GRM7: variants seen among roughly 807,000 people sequenced by gnomAD.
GRM7 encodes the protein glutamate metabotropic receptor 7.
A neutral mutation model predicts 84.5 loss-of-function variants in GRM7; 35 were observed. The observed-to-expected ratio is 0.41, with a 90% CI of 0.32 to 0.55. The LOEUF (loss-of-function observed/expected upper bound fraction) is 0.55. GRM7 is among the 20% of genes least tolerant of loss of function. The pLI is 0.19. For synonymous variants in GRM7, 487 were observed against 455.1 expected (o/e 1.07, Z -0.89); for missense variants, 1,003 against 1,194.6 (o/e 0.84, Z 2.36).
At chr3:7,289,957 T>A (rs1405240684) in intron 2 of GRM7, among the ~76,000 whole-genome samples, 2 of 151,760 alleles carry the variant, frequency 1.3e-5, no homozygotes, top group Non-Finnish European at 2.9e-5. Flanking sequence ...TGTATACATA[T>A]GTACCAAACC....
intron 7 of GRM7, among the ~76,000 whole-genome samples, chr3:7,469,255 T>C (rs961791966): frequency 6.6e-6 from 1 of 152,218 alleles, no homozygotes; most frequent in Non-Finnish European, 1.5e-5. Context: ...AGGGATTCAT[T>C]TGAGAACTTG....
intron 1 of GRM7, among the ~76,000 whole-genome samples, chr3:7,031,615 C>A (rs569005176): frequency 1.9e-4 from 29 of 152,106 alleles, no homozygotes; most frequent in Admixed American, 1.7e-3. Context: ...ACAGGGATTT[C>A]ACCATGTTAG....
intron 7 of GRM7, among the ~76,000 whole-genome samples, chr3:7,480,991 T>C (rs2124936585): frequency 6.6e-6 from 1 of 151,884 alleles, no homozygotes; most frequent in Non-Finnish European, 1.5e-5. Context: ...TAGAGGAGAG[T>C]AATATGAAAG....
intron 2 of GRM7, among the ~76,000 whole-genome samples, chr3:7,162,949 A>G (rs1211018023): frequency 6.6e-6 from 1 of 151,284 alleles, no homozygotes; most frequent in Non-Finnish European, 1.5e-5. Context: ...TAGTAGAGAC[A>G]TGATTTCACC....
chr3:7,334,464 T>A (rs1193986057), intron 4 of GRM7, among the ~76,000 whole-genome samples: 3 of 139,390 alleles, frequency 2.2e-5, no homozygotes, highest in Non-Finnish European at 4.6e-5. Context: ...AAAGCATAAA[T>A]CTCACAGGGA....
intron 8 of GRM7, among the ~76,000 whole-genome samples, chr3:7,599,434 C>T (rs1192703778): frequency 6.6e-6 from 1 of 152,014 alleles, no homozygotes; most frequent in Non-Finnish European, 1.5e-5. Context: ...AAGCTTTAGT[C>T]CCTGTATCCC....
chr3:7,561,535 T>C (rs1423760735), intron 7 of GRM7: 1 of 456,478 alleles, frequency 2.2e-6, no homozygotes, highest in Non-Finnish European at 4.4e-6. Flanking sequence ...AATGTTGGCA[T>C]GGAAAGTCCT....
intron 7 of GRM7, among the ~76,000 whole-genome samples, chr3:7,513,181 A>T (rs1193138295): frequency 6.6e-6 from 1 of 152,292 alleles, no homozygotes; most frequent in Admixed American, 6.5e-5. Context: ...GTTTCCCTCT[A>T]GGACTATGCA....
chr3:7,507,070 C>G (rs906740784), intron 7 of GRM7, among the ~76,000 whole-genome samples: 7 of 152,172 alleles, frequency 4.6e-5, no homozygotes, highest in Admixed American at 2.6e-4. Flanking sequence ...TCACAAATGC[C>G]TGACAGATTG....
intron 4 of GRM7, among the ~76,000 whole-genome samples, chr3:7,369,642 T>C (rs1480042748): frequency 1.3e-5 from 2 of 152,150 alleles, no homozygotes; most frequent in Non-Finnish European, 2.9e-5. Context: ...TTTTTTCTTG[T>C]AAGACTGTTC....
intron 1 of GRM7, among the ~76,000 whole-genome samples, chr3:6,915,463 A>G (rs577404665): frequency 3.3e-5 from 5 of 152,266 alleles, no homozygotes; most frequent in African/African-American, 1.2e-4. Context: ...TCCTTACAAT[A>G]TTTCTAAATT....
intron 2 of GRM7, among the ~76,000 whole-genome samples, chr3:7,169,863 G>T (rs148182384): frequency 3.1e-4 from 47 of 152,294 alleles, no homozygotes; most frequent in Non-Finnish European, 6.3e-4. Flanking sequence ...AGAAGCTCAG[G>T]AGTCTTGTAG....
intron 7 of GRM7, among the ~76,000 whole-genome samples, chr3:7,545,253 A>C (rs1280044327): frequency 1.3e-5 from 2 of 152,246 alleles, no homozygotes; most frequent in East Asian, 3.8e-4. Flanking sequence ...TCTCTAACCT[A>C]ACTGTCGACA....
intron 9 of GRM7, among the ~76,000 whole-genome samples, chr3:7,687,975 G>GTAAC (rs1304065371): frequency 1.3e-5 from 2 of 152,062 alleles, no homozygotes; most frequent in East Asian, 3.9e-4. Flanking sequence ...CAGTGAATAT[G>GTAAC]TAACTGTATT....
chr3:7,321,908 T>C (rs1041827901), intron 4 of GRM7, among the ~76,000 whole-genome samples: 2 of 152,134 alleles, frequency 1.3e-5, no homozygotes, highest in Non-Finnish European at 2.9e-5. Flanking sequence ...TTATGACTTA[T>C]GCTATGGTTA....
intron 8 of GRM7, among the ~76,000 whole-genome samples, chr3:7,595,861 G>A (rs1415208723): frequency 6.6e-6 from 1 of 152,092 alleles, no homozygotes; most frequent in Non-Finnish European, 1.5e-5. Flanking sequence ...CTGATCCCTT[G>A]ACATTGTATA....
intron 7 of GRM7, among the ~76,000 whole-genome samples, chr3:7,512,341 T>C (rs907916797): frequency 1.3e-5 from 2 of 152,124 alleles, no homozygotes; most frequent in African/African-American, 4.8e-5. Flanking sequence ...TTAAGTGAAG[T>C]GTAATAGATA....
chr3:7,084,746 C>T (rs1698384745), intron 1 of GRM7, among the ~76,000 whole-genome samples: 1 of 151,898 alleles, frequency 6.6e-6, no homozygotes, highest in Non-Finnish European at 1.5e-5. Flanking sequence ...AGTTGTTGTA[C>T]GTAGACTTAT....
intron 1 of GRM7, among the ~76,000 whole-genome samples, chr3:6,978,087 A>G (rs1694066476): frequency 6.6e-6 from 1 of 152,128 alleles, no homozygotes; most frequent in African/African-American, 2.4e-5. Flanking sequence ...ATAATTAAGG[A>G]TTTTGAAGTG....
Sources: gnomAD v4.1 joint callset for allele counts (sites outside exome capture counted in the v4.1 genomes callset) on GRCh38, gnomAD v4.1.1 for gene constraint, MANE v1.5 for transcripts, NCBI Gene and HGNC (gene_info 2026-07-23, HGNC 2026-07-21) for gene names.